Variants in CAPN1 observed in about 807,000 individuals in gnomAD.
The protein encoded by CAPN1 is calpain 1.
A neutral mutation model predicts 105.2 loss-of-function variants in CAPN1; 77 were observed. That is an observed-to-expected ratio of 0.73 (90% confidence interval 0.61 to 0.88). The LOEUF (loss-of-function observed/expected upper bound fraction) is 0.88, where lower values mean the gene tolerates loss of function less well. Ranked by LOEUF, CAPN1 falls within the 40% of genes least tolerant of loss-of-function variation. CAPN1 has a pLI of 0.00. For missense variants in CAPN1, 833 were observed against 976.6 expected, an observed-to-expected ratio of 0.85 and a Z score of 1.96; for synonymous variants, 355 against 388.8, an observed-to-expected ratio of 0.91 and a Z score of 1.02.
chr11:65,209,350 G>C lies in CAPN1; in HGVS notation c.1757G>C (p.Ser586Thr), dbSNP rs1369530855. ...AAAGACCTGCGGACCAAGGGCTTCA[G>C]CCTAGAGTCGTGCCGCAGCATGGTG... is the stretch of plus-strand genomic sequence containing the variant. The part of the protein sequence containing the change: ...KHKDLRTKGF[S>T]LESCRSMVNL... The change falls in exon 17 of 22, where the codon AGC becomes ACC. Residue 586 changes from serine (S) to threonine (T), a missense_variant. Ser to Thr is a moderately conservative substitution (Grantham distance 58). Transcript: ENST00000279247. The surrounding 1 kb of genome is among the most constrained non-coding windows in gnomAD (Gnocchi z 4.1). The C allele has an allele frequency of 6.2e-7, 1 of 1,613,696 alleles. No individual in the cohort carries two copies. Among genetic ancestry groups the C allele is most frequent in the African/African-American group, 1.3e-5 (1 of 74,934 alleles).
intron 10 of CAPN1, among the ~76,000 whole-genome samples, chr11:65,193,501 C>G (rs766890870): frequency 1.3e-5 from 2 of 151,356 alleles, no homozygotes; most frequent in South Asian, 2.1e-4. Flanking sequence ...AAAAATTAGC[C>G]GGGCGTAGTG....
Position 65,208,016 on chromosome 11 carries a change from G to T in CAPN1, c.1606-39G>T. ...CAGCTGCCTCCACACGGGCAGGGCC[G>T]GGGCCTCTCTTACCTGCTTTCTCCC... On this transcript the variant is annotated intron_variant, in intron 14 of 21. Transcript: ENST00000279247. The surrounding 1 kb of genome is among the most constrained non-coding windows in gnomAD (Gnocchi z 4.1). The T allele has an allele frequency of 6.5e-7, 1 of 1,527,912 alleles. No homozygotes were observed. The highest frequency in any genetic ancestry group is 2.4e-5 in the East Asian group (1 of 41,284). The allele number at this position is 1,527,912 out of a possible 1,614,324, so 94.6% of individuals were successfully genotyped here.
chr11:65,195,879 T>G (rs1009803738), intron 10 of CAPN1, among the ~76,000 whole-genome samples: 2 of 152,162 alleles, frequency 1.3e-5, no homozygotes, highest in African/African-American at 2.4e-5. Context: ...GTGAGAAGTT[T>G]TTTGTTGTTG....
Position 65,208,520 on chromosome 11 carries a change from C to T in CAPN1, c.1729+258C>T. On this transcript the variant is annotated intron_variant, in intron 16 of 21. Transcript: ENST00000279247. The surrounding 1 kb of genome is among the most constrained non-coding windows in gnomAD (Gnocchi z 4.1). ...CCTGGCCAGGCACAGTGGCTCACAC[C>T]TGTAGTCCCAACACTCTGGGAGGCC... is the stretch of plus-strand genomic sequence containing the variant. The T allele has an allele frequency of 1.8e-6, 1 of 561,876 alleles. No individual in the cohort carries two copies. Among genetic ancestry groups the T allele is most frequent in the Non-Finnish European group, 3.2e-6 (1 of 311,540 alleles). 34.8% of individuals were successfully genotyped at this position (561,876 alleles called of 1,614,324 possible).
rs778420005 is a variant in CAPN1, at chr11:65,206,700, C to G, written c.1565+26C>G. 1.9e-6 allele frequency: 3 copies of G among 1,610,576 alleles called. No homozygotes were observed. The South Asian group carries it at 3.3e-5, about 18-fold the overall frequency. The stretch of plus-strand genomic sequence containing the variant: ...GTGAGTCATGGACTGGCCCCTGCCA[C>G]TCTCCCCTCTCCCAGCCTCCCCTCT... On this transcript the variant is annotated intron_variant, in intron 13 of 21. Coordinates refer to ENST00000279247, the MANE Select transcript of CAPN1 (RefSeq NM_005186.4).
Position 65,208,383 on chromosome 11 carries a change from G to A in CAPN1, c.1729+121G>A. 1.1e-6 allele frequency: 1 copy of A among 949,822 alleles called. No homozygotes were observed. The highest frequency in any genetic ancestry group is 1.6e-6 in the Non-Finnish European group (1 of 608,990). The allele number at this position is 949,822 out of a possible 1,614,324, so 58.8% of individuals were successfully genotyped here. A position where few individuals can be genotyped will look rare whatever the true frequency, so the allele number is the denominator to read the frequency against. ...TCTGCATGAGTCGGGGAATCCTCCA[G>A]TTTTTCTGAGCCCAGTTCCCTGCCA... On this transcript the variant is annotated intron_variant, in intron 16 of 21. Transcript: ENST00000279247. This position sits in a 1 kb window ranked among gnomAD's most constrained non-coding sequence, Gnocchi z 4.1.
rs975230038 is a variant in CAPN1 at position 65,188,988 on chromosome 11, T to A, written c.1165+242T>A. On this transcript the variant is annotated intron_variant, in intron 10 of 21. Transcript: ENST00000279247. The surrounding 1 kb of genome is among the most constrained non-coding windows in gnomAD (Gnocchi z 5.5). Reference sequence around the variant, plus strand: ...AAGATCTTGTGGCCATCCAGCCACCTGCCTGTCACTCCTTTCCTGGGCCCT... The same window carrying A: ...AAGATCTTGTGGCCATCCAGCCACCAGCCTGTCACTCCTTTCCTGGGCCCT... 6.6e-6 allele frequency among the ~76,000 whole-genome samples: 1 copy of A among 152,120 alleles called. No individual in the cohort carries two copies. The highest frequency in any genetic ancestry group is 1.9e-4 in the East Asian group (1 of 5,196).
rs1276791613 is a variant in CAPN1 at position 65,209,657 on chromosome 11, C to T, written c.1795-192C>T. 1.5e-6 allele frequency: 1 copy of T among 654,034 alleles called. No homozygotes were observed. The highest frequency in any genetic ancestry group is 1.9e-5 in the South Asian group (1 of 53,642). 40.5% of individuals were successfully genotyped at this position (654,034 alleles called of 1,614,324 possible). A position where few individuals can be genotyped will look rare whatever the true frequency, so the allele number is the denominator to read the frequency against. The stretch of plus-strand genomic sequence containing the variant: ...TGCTATTTCTGACCCCTCCCCAGCC[C>T]ACTCCACTGCAGCCCAGCTCAGAGA... On this transcript the variant is annotated intron_variant, in intron 17 of 21. Coordinates refer to ENST00000279247, the MANE Select transcript of CAPN1 (RefSeq NM_005186.4). The surrounding 1 kb of genome is among the most constrained non-coding windows in gnomAD (Gnocchi z 4.1).
In CAPN1 at chr11:65,210,951, C is replaced by A; in HGVS notation, c.2118+79C>A. On this transcript the variant is annotated intron_variant, in intron 21 of 21. Transcript: ENST00000279247. The surrounding 1 kb of genome is among the most constrained non-coding windows in gnomAD (Gnocchi z 4.3). ...TCTTATCTGGCCAGTGTTCCCTGTC[C>A]TTTCCTGGAAATGAGCCTGGGCCTC... 7.8e-7 allele frequency: 1 copy of A among 1,278,926 alleles called. No homozygotes were observed. The highest frequency in any genetic ancestry group is 1.1e-6 in the Non-Finnish European group (1 of 875,784). 79.2% of individuals were successfully genotyped at this position (1,278,926 alleles called of 1,614,324 possible).
rs974368474 is a variant in CAPN1, at chr11:65,186,150, T to C, written c.591-20T>C. On this transcript the variant is annotated intron_variant, in intron 5 of 21. Transcript: ENST00000279247. ...AGGGTCCTGCTTGATGCCAGAGTGC[T>C]GACCTGGAGCTGCCCACAGGGTAAA... The C allele has an allele frequency of 1.4e-5, 22 of 1,610,976 alleles. No individual in the cohort carries two copies. Among genetic ancestry groups the C allele is most frequent in the Non-Finnish European group, 1.8e-5 (21 of 1,178,440 alleles).
chr11:65,193,082 G>A (rs1354011127), intron 10 of CAPN1, among the ~76,000 whole-genome samples: 1 of 150,072 alleles, frequency 6.7e-6, no homozygotes, highest in Non-Finnish European at 1.5e-5. Flanking sequence ...CCGGGTTCAC[G>A]CCATTCTCCT....
At chr11:65,186,472 C>A (rs2137319459) in intron 6 of CAPN1, 134 bp downstream of exon 6, 1 of 775,134 alleles carries the variant, frequency 1.3e-6, no homozygotes, top group Non-Finnish European at 2.0e-6. Flanking sequence ...GGATGCATAC[C>A]CTGCCTCATC....
At chr11:65,205,922 A>G in intron 12 of CAPN1, 2 of 594,222 alleles carry the variant, frequency 3.4e-6, no homozygotes, top group South Asian at 4.0e-5. Flanking sequence ...TCAGTGAGGG[A>G]GCTGGATTTG....
In CAPN1 at chr11:65,206,606, C is replaced by T. The variant is rs1266451959; in HGVS notation, c.1497C>T (p.Ser499=). ...CCGGGGAGTATGTGGTGGTGCCCTC[C>T]ACCTTCGAGCCCAACAAGGAGGGCG... ...LPPGEYVVVP[S]TFEPNKEGDF... The change falls in exon 13 of 22, where the codon TCC becomes TCT. Residue 499 remains serine, a synonymous_variant. Transcript: ENST00000279247. The T allele has an allele frequency of 3.7e-6, 6 of 1,613,330 alleles. No individual in the cohort carries two copies. Among genetic ancestry groups the T allele is most frequent in the Admixed American group, 1.7e-5 (1 of 60,008 alleles).
intron 10 of CAPN1, among the ~76,000 whole-genome samples, chr11:65,197,311 A>G (rs1824753064): frequency 6.6e-6 from 1 of 152,138 alleles, no homozygotes; most frequent in African/African-American, 2.4e-5. Context: ...ATTTTTCATT[A>G]TATATTTTGA....
intron 13 of CAPN1, 48 bp downstream of exon 13, chr11:65,206,722 C>A (rs1188095858): frequency 3.1e-6 from 5 of 1,610,194 alleles, no homozygotes; most frequent in Admixed American, 1.7e-5. Context: ...CCAGCCTCCC[C>A]TCTCAGGCCC....
intron 12 of CAPN1, 57 bp downstream of exon 12, chr11:65,205,778 G>GA: frequency 6.4e-7 from 1 of 1,565,542 alleles, no homozygotes; most frequent in Non-Finnish European, 8.8e-7. Flanking sequence ...TGCCAGAGGG[G>GA]AGCAACCCAG....
intron 11 of CAPN1, among the ~76,000 whole-genome samples, 198 bp downstream of exon 11, chr11:65,205,056 G>A (rs1235405739): frequency 1.3e-5 from 2 of 152,212 alleles, no homozygotes; most frequent in Admixed American, 1.3e-4. Context: ...CCCTCTGGCC[G>A]AAAGAGAGGA....
At chr11:65,194,028 C>A (rs1485664079) in intron 10 of CAPN1, among the ~76,000 whole-genome samples, 3 of 121,762 alleles carry the variant, frequency 2.5e-5, no homozygotes, top group Admixed American at 2.2e-4. Context: ...GTGGTGCGAT[C>A]TTGGCTCACT....
Sources: gnomAD v4.1 joint callset for allele counts (sites outside exome capture counted in the v4.1 genomes callset) on GRCh38, gnomAD v4.1.1 for gene constraint, Gnocchi (gnomAD v3.1) non-coding constraint, MANE v1.5 for transcripts, NCBI Gene and HGNC (gene_info 2026-07-23, HGNC 2026-07-21) for gene names.